INPP5B: variants seen among roughly 807,000 people sequenced by gnomAD.
INPP5B encodes inositol polyphosphate-5-phosphatase B, also known as type II inositol 1,4,5-trisphosphate 5-phosphatase.
A neutral mutation model predicts 118.5 loss-of-function variants in INPP5B; 90 were observed. That is an observed-to-expected ratio of 0.76 (90% CI 0.64 to 0.90). INPP5B has a LOEUF of 0.90. Ranked by LOEUF, INPP5B falls within the 40% of genes least tolerant of loss-of-function variation. INPP5B has a pLI of 0.00. For missense variants in INPP5B, 984 were observed against 1,125.6 expected, an observed-to-expected ratio of 0.87 and a Z score of 1.80; for synonymous variants, 385 against 418.9, an observed-to-expected ratio of 0.92 and a Z score of 0.99.
chr1:37,883,214 A>C (rs368802743), intron 13 of INPP5B: 13 of 985,258 alleles, frequency 1.3e-5, no homozygotes, highest in Admixed American at 6.2e-5. Flanking sequence ...AATTTACCCC[A>C]TTCCTGGGAA....
intron 7 of INPP5B, among the ~76,000 whole-genome samples, chr1:37,892,741 C>T (rs574263469): frequency 6.6e-6 from 1 of 152,314 alleles, no homozygotes; most frequent in African/African-American, 2.4e-5. Flanking sequence ...ATTATTTATA[C>T]CCCTGCCCAA....
chr1:37,880,002 T>A lies in INPP5B; in HGVS notation c.1541+83A>T, dbSNP rs531768662. 5 of 786,774 alleles carry A rather than the reference T, an allele frequency of 6.4e-6. No individual in the cohort carries two copies. The East Asian group carries it at 1.0e-4, about 16-fold the overall frequency. 48.7% of individuals were successfully genotyped at this position (786,774 alleles called of 1,614,324 possible). On this transcript the variant is annotated intron_variant, in intron 15 of 23. Transcript: ENST00000373024. The stretch of plus-strand genomic sequence containing the variant: ...AAAAAGTCACAGGAAGCATATATTC[T>A]TCCTTAGGTCCAAAAGGGCAAGTAC...
chr1:37,901,753 T>C (rs777167565), intron 7 of INPP5B, among the ~76,000 whole-genome samples: 2 of 152,108 alleles, frequency 1.3e-5, no homozygotes, highest in Non-Finnish European at 2.9e-5. Context: ...CTCTAGAACC[T>C]GGCACGGAAG....
chr1:37,908,120 C>T (rs1644559553), intron 7 of INPP5B, among the ~76,000 whole-genome samples: 1 of 152,154 alleles, frequency 6.6e-6, no homozygotes, highest in Non-Finnish European at 1.5e-5. Flanking sequence ...CGGACTCAGC[C>T]CACCTGCACC....
chr1:37,932,061 G>A lies in INPP5B; in HGVS notation c.392-8C>T. ...GGGTCGCAGAATCGAAGCCTGTGCAGGAACAAATGGGGGCAGACTGAGCCA... is the reference window on the plus strand; with the variant it reads ...GGGTCGCAGAATCGAAGCCTGTGCAAGAACAAATGGGGGCAGACTGAGCCA... On this transcript the variant is annotated splice_region_variant and splice_polypyrimidine_tract_variant and intron_variant, in intron 6 of 23. Coordinates refer to ENST00000373024, the MANE Select transcript of INPP5B (RefSeq NM_005540.3). 1.9e-6 allele frequency: 3 copies of A among 1,579,330 alleles called. No individual in the cohort carries two copies. The highest frequency in any genetic ancestry group is 1.7e-6 in the Non-Finnish European group (2 of 1,162,236).
intron 7 of INPP5B, among the ~76,000 whole-genome samples, chr1:37,909,928 G>C (rs1644632002): frequency 6.6e-6 from 1 of 152,192 alleles, no homozygotes; most frequent in African/African-American, 2.4e-5. Flanking sequence ...CTTGCTTCTA[G>C]TGCTGGAAAT....
chr1:37,896,125 C>G (rs1321198226), intron 7 of INPP5B, among the ~76,000 whole-genome samples: 3 of 150,774 alleles, frequency 2.0e-5, no homozygotes, highest in African/African-American at 4.9e-5. Context: ...TCTGCCCGGC[C>G]GCCCATCGTC....
intron 7 of INPP5B, among the ~76,000 whole-genome samples, chr1:37,924,912 G>A (rs1462186380): frequency 5.9e-5 from 9 of 152,194 alleles, no homozygotes; most frequent in Middle Eastern, 3.4e-3. Context: ...GATGGCTCAC[G>A]CCTATAATCC....
Position 37,907,250 on chromosome 1 carries a change from C to T in INPP5B, c.533-15796G>A, listed in dbSNP as rs1425397604. 3.9e-5 allele frequency among the ~76,000 whole-genome samples: 6 copies of T among 152,182 alleles called. No individual in the cohort carries two copies. The highest frequency in any genetic ancestry group is 4.1e-4 in the South Asian group (2 of 4,836). On this transcript the variant is annotated intron_variant, in intron 7 of 23. Coordinates refer to ENST00000373024, the MANE Select transcript of INPP5B (RefSeq NM_005540.3). This position sits in a 1 kb window ranked among gnomAD's most constrained non-coding sequence, Gnocchi z 4.3. Reference sequence around the variant, plus strand: ...TTACTGAATGTTTTCTTAAATTGAACACTTATTAATCTTCCAGATATTACC... The same window carrying T: ...TTACTGAATGTTTTCTTAAATTGAATACTTATTAATCTTCCAGATATTACC...
chr1:37,934,356 A>G (rs1041931183), intron 6 of INPP5B, among the ~76,000 whole-genome samples: 2 of 152,084 alleles, frequency 1.3e-5, no homozygotes, highest in Admixed American at 1.3e-4. Context: ...GGAGAAATAC[A>G]GTTGTTGTGC....
At chr1:37,933,259 A>C (rs1200552162) in intron 6 of INPP5B, among the ~76,000 whole-genome samples, 1 of 152,224 alleles carries the variant, frequency 6.6e-6, no homozygotes, top group Non-Finnish European at 1.5e-5. Context: ...GTCTGAAAAA[A>C]TAAAATATAT....
At chr1:37,890,478 TA>T (rs1643780428) in intron 8 of INPP5B, among the ~76,000 whole-genome samples, 1 of 152,252 alleles carries the variant, frequency 6.6e-6, no homozygotes. Context: ...ATTTTATTAT[TA>T]TTTGCATTGT....
At chr1:37,924,488 TG>T (rs1473504591) in intron 7 of INPP5B, among the ~76,000 whole-genome samples, 1 of 151,904 alleles carries the variant, frequency 6.6e-6, no homozygotes, top group Non-Finnish European at 1.5e-5. Flanking sequence ...CATTTCTAAT[TG>T]TATTTCCCAA....
chr1:37,895,495 C>G (rs1234025062), intron 7 of INPP5B, among the ~76,000 whole-genome samples: 2 of 151,612 alleles, frequency 1.3e-5, no homozygotes, highest in African/African-American at 4.8e-5. Flanking sequence ...CTCTCCCCCT[C>G]CCCCTCCCTC....
chr1:37,908,452 A>G (rs1644572866), intron 7 of INPP5B, among the ~76,000 whole-genome samples: 1 of 151,936 alleles, frequency 6.6e-6, no homozygotes, highest in Admixed American at 6.6e-5. Flanking sequence ...AGACAAGGAG[A>G]CGGCCAGGTG....
At chr1:37,916,771 A>C (rs1186257208) in intron 7 of INPP5B, among the ~76,000 whole-genome samples, 3 of 152,246 alleles carry the variant, frequency 2.0e-5, no homozygotes, top group East Asian at 3.9e-4. Context: ...AATAAATTCA[A>C]ACCAAAATGG....
chr1:37,924,583 A>G (rs192903242), intron 7 of INPP5B, among the ~76,000 whole-genome samples: 1 of 152,310 alleles, frequency 6.6e-6, no homozygotes, highest in African/African-American at 2.4e-5. Flanking sequence ...TTTTAAAGAC[A>G]TAAGAGGAAA....
intron 5 of INPP5B, chr1:37,942,122 T>C (rs1006324379): frequency 1.3e-5 from 2 of 149,900 alleles, no homozygotes; most frequent in African/African-American, 4.9e-5. Context: ...GATAACCTCA[T>C]AGAGCTGTGA....
intron 21 of INPP5B, 85 bp downstream of exon 21, chr1:37,866,373 CT>C (rs1162623291): frequency 9.4e-6 from 7 of 748,190 alleles, no homozygotes; most frequent in East Asian, 7.7e-5. Flanking sequence ...TTTCTCACCC[CT>C]CTCACTCATA....
Sources: gnomAD v4.1 joint callset for allele counts (sites outside exome capture counted in the v4.1 genomes callset) on GRCh38, gnomAD v4.1.1 for gene constraint, Gnocchi (gnomAD v3.1) non-coding constraint, MANE v1.5 for transcripts, NCBI Gene and HGNC (gene_info 2026-07-23, HGNC 2026-07-21) for gene names.